The following ASXL2 variants were observed in gnomAD, a reference collection of about 807,000 sequenced individuals.
ASXL2 encodes the protein putative Polycomb group protein ASXL2.
A neutral mutation model predicts 122.0 loss-of-function variants in ASXL2; 23 were observed. The ratio of observed to expected loss-of-function variants is 0.19; its 90% CI spans 0.14 to 0.27. ASXL2 has a LOEUF of 0.27. Ranked by LOEUF, ASXL2 falls within the 10% of genes least tolerant of loss-of-function variation. The pLI is 1.00. For synonymous variants in ASXL2, 650 were observed against 637.0 expected (o/e 1.02, Z -0.31); for missense variants, 1,518 against 1,713.8 (o/e 0.89, Z 2.02).
chr2:25,846,566 T>G (rs1219625409), intron 1 of ASXL2, among the ~76,000 whole-genome samples: 7 of 151,998 alleles, frequency 4.6e-5, no homozygotes, highest in Non-Finnish European at 8.8e-5. Flanking sequence ...GAGAATCACT[T>G]GAACCTGGGA....
At chr2:25,835,893 T>C (rs1422186030) in intron 2 of ASXL2, among the ~76,000 whole-genome samples, 1 of 152,226 alleles carries the variant, frequency 6.6e-6, no homozygotes, top group Non-Finnish European at 1.5e-5. Context: ...GCATTTCAAT[T>C]TCAAGGAGCC....
intron 5 of ASXL2, among the ~76,000 whole-genome samples, chr2:25,792,804 C>A (rs866214399): frequency 1.1e-4 from 17 of 151,804 alleles, no homozygotes; most frequent in African/African-American, 4.1e-4. Flanking sequence ...AGGGGTTTCA[C>A]CATGTTGACC....
intron 1 of ASXL2, among the ~76,000 whole-genome samples, chr2:25,876,692 TTCAAAAA>T (rs534883369): frequency 8.8e-4 from 133 of 151,956 alleles, no homozygotes; most frequent in Non-Finnish European, 1.4e-3. Flanking sequence ...CCTCTACACC[TTCAAAAA>T]AAAGTATAGG....
chr2:25,791,487 CAA>C (rs757850341), intron 5 of ASXL2, among the ~76,000 whole-genome samples: 120 of 121,534 alleles, frequency 9.9e-4, no homozygotes, highest in African/African-American at 2.2e-3. Context: ...GACTCCGTCT[CAA>C]AAAAAAAAAA....
At chr2:25,804,711 T>A (rs1205273916) in intron 4 of ASXL2, among the ~76,000 whole-genome samples, 1 of 152,192 alleles carries the variant, frequency 6.6e-6, no homozygotes, top group Non-Finnish European at 1.5e-5. Context: ...AAGTGAAAAG[T>A]TATTGATAAG....
At chr2:25,808,280 C>A (rs553857902) in intron 3 of ASXL2, among the ~76,000 whole-genome samples, 2 of 152,088 alleles carry the variant, frequency 1.3e-5, no homozygotes, top group Admixed American at 1.3e-4. Context: ...CAGTATGAAT[C>A]GTAAGGAGAA....
At chr2:25,859,425 G>T (rs1403420936) in intron 1 of ASXL2, among the ~76,000 whole-genome samples, 1 of 152,118 alleles carries the variant, frequency 6.6e-6, no homozygotes, top group Non-Finnish European at 1.5e-5. Flanking sequence ...CAAAACTAGT[G>T]ATTTCATACA....
intron 1 of ASXL2, among the ~76,000 whole-genome samples, chr2:25,863,527 C>T (rs1244858938): frequency 2.6e-5 from 4 of 151,076 alleles, no homozygotes; most frequent in African/African-American, 4.9e-5. Flanking sequence ...CCTGTCTCTA[C>T]TAAAATATAC....
At chr2:25,805,328 C>A (rs540297519) in intron 4 of ASXL2, among the ~76,000 whole-genome samples, 9 of 152,014 alleles carry the variant, frequency 5.9e-5, no homozygotes, top group Non-Finnish European at 8.8e-5. Flanking sequence ...TGTTGTGAGG[C>A]TTCTTAAACA....
intron 12 of ASXL2, among the ~76,000 whole-genome samples, chr2:25,746,543 C>T (rs2087945300): frequency 6.9e-6 from 1 of 145,920 alleles, no homozygotes; most frequent in Middle Eastern, 3.7e-3. Context: ...AAAGTAAATA[C>T]AAGAAAGGTG....
At chr2:25,781,959 C>CTTTTGTTTT (rs2088647128) in intron 5 of ASXL2, among the ~76,000 whole-genome samples, 1 of 88,400 alleles carries the variant, frequency 1.1e-5, no homozygotes. Context: ...ACCGCCCGGG[C>CTTTTGTTTT]TTTTTTCTTT....
At chr2:25,865,673 G>T (rs191506941) in intron 1 of ASXL2, among the ~76,000 whole-genome samples, 231 of 149,248 alleles carry the variant, frequency 1.5e-3, no homozygotes, top group African/African-American at 5.5e-3. Flanking sequence ...TACTTAGGAG[G>T]CTGAGGCAGG....
chr2:25,852,263 G>C (rs1314241596), intron 1 of ASXL2, among the ~76,000 whole-genome samples: 1 of 152,172 alleles, frequency 6.6e-6, no homozygotes, highest in Non-Finnish European at 1.5e-5. Flanking sequence ...TTTAAAGGGT[G>C]CTTAATATAT....
At chr2:25,813,736 G>A (rs1455228793) in intron 3 of ASXL2, among the ~76,000 whole-genome samples, 1 of 152,224 alleles carries the variant, frequency 6.6e-6, no homozygotes, top group Non-Finnish European at 1.5e-5. Context: ...CACATCTGGT[G>A]AAAAGATGTG....
At chr2:25,796,990 C>A (rs1185483933) in intron 5 of ASXL2, among the ~76,000 whole-genome samples, 1 of 152,074 alleles carries the variant, frequency 6.6e-6, no homozygotes, top group African/African-American at 2.4e-5. Context: ...CTAAAACTCC[C>A]AGAACATAAC....
At chr2:25,865,817 A>T (rs2089897828) in intron 1 of ASXL2, among the ~76,000 whole-genome samples, 1 of 151,054 alleles carries the variant, frequency 6.6e-6, no homozygotes. Flanking sequence ...ATATAAAACA[A>T]TGAGCTTCCA....
At chr2:25,777,413 G>T (rs2088563223) in intron 5 of ASXL2, among the ~76,000 whole-genome samples, 1 of 152,064 alleles carries the variant, frequency 6.6e-6, no homozygotes. Flanking sequence ...TCTGAGGTGG[G>T]AGGATCACTT....
chr2:25,848,514 T>C (rs1376797399), intron 1 of ASXL2, among the ~76,000 whole-genome samples: 1 of 151,914 alleles, frequency 6.6e-6, no homozygotes, highest in Non-Finnish European at 1.5e-5. Context: ...TCCCTGCTAC[T>C]TGGGAGGCTG....
At chr2:25,876,791 A>C (rs565135699) in intron 1 of ASXL2, among the ~76,000 whole-genome samples, 1 of 152,320 alleles carries the variant, frequency 6.6e-6, no homozygotes, top group East Asian at 1.9e-4. Flanking sequence ...AGTAAGTAAA[A>C]TGTGCTATTA....
Sources: allele counts gnomAD v4.1 joint callset (sites outside exome capture counted in the v4.1 genomes callset), GRCh38; gene constraint gnomAD v4.1.1; transcripts MANE v1.5; gene names NCBI Gene and HGNC (gene_info 2026-07-23, HGNC 2026-07-21).